The following MIDEAS variants were observed in gnomAD, a reference collection of about 807,000 sequenced individuals.
MIDEAS encodes the protein mitotic deacetylase associated SANT domain protein.
Under a neutral mutation model 102.7 loss-of-function variants are expected in MIDEAS, and 26 were observed. The observed-to-expected ratio is 0.25, with a 90% CI of 0.19 to 0.35. MIDEAS has a LOEUF of 0.35. MIDEAS is among the 10% of genes least tolerant of loss of function. The pLI, the probability that MIDEAS is intolerant of heterozygous loss-of-function variation, is 1.00. For missense variants in MIDEAS, 1,231 were observed against 1,435.6 expected (o/e 0.86, Z 2.30); for synonymous variants, 585 against 591.0 (o/e 0.99, Z 0.15).
At chr14:73,766,529 C>G (rs557314999) in intron 1 of MIDEAS, among the ~76,000 whole-genome samples, 1 of 152,116 alleles carries the variant, frequency 6.6e-6, no homozygotes, top group South Asian at 2.1e-4. Context: ...TAATTAGCAG[C>G]ACTTCCTCTT....
chr14:73,771,480 G>C (rs955188855), intron 1 of MIDEAS, among the ~76,000 whole-genome samples: 2 of 152,140 alleles, frequency 1.3e-5, no homozygotes, highest in African/African-American at 4.8e-5. Flanking sequence ...GGATGATCAT[G>C]GACCCTCCAA....
Sources: allele counts gnomAD v4.1 joint callset (sites outside exome capture counted in the v4.1 genomes callset), GRCh38; gene constraint gnomAD v4.1.1; transcripts MANE v1.5; gene names NCBI Gene and HGNC (gene_info 2026-07-23, HGNC 2026-07-21).